LDLRAD4: variants seen among roughly 807,000 people sequenced by gnomAD.
LDLRAD4 encodes the protein low-density lipoprotein receptor class A domain-containing protein 4.
In LDLRAD4, 5 loss-of-function variants were observed where a neutral mutation model predicts 17.0. The ratio of observed to expected loss-of-function variants is 0.29; its 90% CI spans 0.15 to 0.62. The LOEUF (loss-of-function observed/expected upper bound fraction) is 0.62, where lower values mean the gene tolerates loss of function less well. Among genes scored for constraint, LDLRAD4 ranks in the 20% least tolerant of loss-of-function variants. LDLRAD4 has a pLI of 0.84. For synonymous variants in LDLRAD4, 168 were observed against 171.8 expected (o/e 0.98, Z 0.17); for missense variants, 340 against 424.7 (o/e 0.80, Z 1.75).
At chr18:13,399,204 A>G (rs554434722) in intron 2 of LDLRAD4, among the ~76,000 whole-genome samples, 3 of 152,186 alleles carry the variant, frequency 2.0e-5, no homozygotes, top group African/African-American at 7.2e-5. Flanking sequence ...CTCAAAAAAA[A>G]GAGAAAAAAA....
chr18:13,469,908 G>A (rs1411411106), intron 3 of LDLRAD4, among the ~76,000 whole-genome samples: 1 of 152,174 alleles, frequency 6.6e-6, no homozygotes, highest in East Asian at 1.9e-4. Context: ...AGGCTGGCCT[G>A]GGCAACATAG....
At chr18:13,282,186 T>G (rs2045323466) in intron 1 of LDLRAD4, among the ~76,000 whole-genome samples, 1 of 152,120 alleles carries the variant, frequency 6.6e-6, no homozygotes, top group Non-Finnish European at 1.5e-5. Context: ...GAGATACAAG[T>G]CAAGTTGACT....
chr18:13,561,145 A>G (rs1386689369), intron 3 of LDLRAD4, among the ~76,000 whole-genome samples: 1 of 50,696 alleles, frequency 2.0e-5, no homozygotes, highest in Non-Finnish European at 5.1e-5. Flanking sequence ...GCAGATATTC[A>G]GGGCCCACAC....
intron 1 of LDLRAD4, among the ~76,000 whole-genome samples, chr18:13,229,180 G>T (rs1170862780): frequency 3.3e-5 from 5 of 152,222 alleles, no homozygotes; most frequent in Non-Finnish European, 7.3e-5. Context: ...TGCATCATCC[G>T]TGGTGTCCTT....
rs2094471877 is a variant in LDLRAD4, at chr18:13,555,163, T to C, written c.182-65954T>C. Reference sequence around the variant, plus strand: ...CCAAGAGGAGCCTAAGGAGACACAGTGACTAAAGGTGATGAGACATCCTGG... The same window carrying C: ...CCAAGAGGAGCCTAAGGAGACACAGCGACTAAAGGTGATGAGACATCCTGG... On this transcript the variant is annotated intron_variant, in intron 3 of 5. Coordinates refer to ENST00000359446, the Ensembl canonical transcript of LDLRAD4. Among the ~76,000 whole-genome samples, 9 of 152,250 alleles carry C rather than the reference T, an allele frequency of 5.9e-5. No individual in the cohort carries two copies. In the South Asian group the frequency reaches 1.9e-3, roughly 32 times the overall value.
At chr18:13,432,112 G>A (rs1418447650) in intron 2 of LDLRAD4, among the ~76,000 whole-genome samples, 4 of 152,196 alleles carry the variant, frequency 2.6e-5, no homozygotes, top group African/African-American at 7.2e-5. Flanking sequence ...TACTCAACAT[G>A]TGCACCTTGC....
intron 1 of LDLRAD4, among the ~76,000 whole-genome samples, chr18:13,294,131 A>G (rs760919222): frequency 6.6e-6 from 1 of 152,254 alleles, no homozygotes; most frequent in Non-Finnish European, 1.5e-5. Context: ...TAACTCCCAC[A>G]TGCTTAGCGT....
chr18:13,337,275 C>T (rs180848120), intron 1 of LDLRAD4, among the ~76,000 whole-genome samples: 23 of 152,312 alleles, frequency 1.5e-4, no homozygotes, highest in African/African-American at 5.5e-4. Flanking sequence ...GTGTGTTCTT[C>T]ACCTTCAAGC....
chr18:13,361,486 C>T (rs917444125), intron 1 of LDLRAD4, among the ~76,000 whole-genome samples: 4 of 152,206 alleles, frequency 2.6e-5, no homozygotes, highest in African/African-American at 7.2e-5. Flanking sequence ...GTTCCAGGCC[C>T]TCAGTACAGT....
At chr18:13,540,534 G>A (rs1037806822) in intron 3 of LDLRAD4, among the ~76,000 whole-genome samples, 5 of 152,168 alleles carry the variant, frequency 3.3e-5, no homozygotes, top group African/African-American at 7.2e-5. Flanking sequence ...TGGAGAGCTG[G>A]AGATGTGTTT....
chr18:13,335,721 G>C (rs1470816718), intron 1 of LDLRAD4, among the ~76,000 whole-genome samples: 2 of 152,060 alleles, frequency 1.3e-5, no homozygotes, highest in Non-Finnish European at 2.9e-5. Context: ...TGCCTGGCTG[G>C]GTATAAATTC....
intron 3 of LDLRAD4, among the ~76,000 whole-genome samples, chr18:13,469,108 A>G (rs953496756): frequency 6.6e-6 from 1 of 151,228 alleles, no homozygotes; most frequent in Non-Finnish European, 1.5e-5. Context: ...AAGATATGCA[A>G]TGACCAATAA....
intron 1 of LDLRAD4, among the ~76,000 whole-genome samples, chr18:13,283,012 C>T (rs1048479581): frequency 3.9e-5 from 6 of 152,232 alleles, no homozygotes; most frequent in African/African-American, 1.4e-4. Flanking sequence ...ACAGCCTGAA[C>T]TGTATGTTGG....
intron 3 of LDLRAD4, among the ~76,000 whole-genome samples, chr18:13,459,610 T>C (rs1487015880): frequency 1.3e-5 from 2 of 152,118 alleles, no homozygotes; most frequent in Non-Finnish European, 2.9e-5. Flanking sequence ...CTCAAACTCC[T>C]GGCCTCAGGT....
At chr18:13,534,382 TG>T (rs2094172220) in intron 3 of LDLRAD4, among the ~76,000 whole-genome samples, 1 of 152,208 alleles carries the variant, frequency 6.6e-6, no homozygotes, top group African/African-American at 2.4e-5. Flanking sequence ...AATCACCCTG[TG>T]TTTCCCCCAT....
chr18:13,370,719 T>TTTTTTTGTTTG (rs757324689), intron 1 of LDLRAD4, among the ~76,000 whole-genome samples: 1 of 144,856 alleles, frequency 6.9e-6, no homozygotes, highest in African/African-American at 2.6e-5. Context: ...TTTTGTTTTT[T>TTTTTTTGTTTG]TTTTTTTTTG....
intron 2 of LDLRAD4, among the ~76,000 whole-genome samples, chr18:13,394,645 CT>C (rs767712997): frequency 1.1e-4 from 16 of 152,206 alleles, no homozygotes; most frequent in Non-Finnish European, 1.6e-4. Flanking sequence ...GTGATGGTGA[CT>C]GCTCATTGCT....
At chr18:13,349,412 TACAG>T (rs1296689255) in intron 1 of LDLRAD4, among the ~76,000 whole-genome samples, 10 of 152,200 alleles carry the variant, frequency 6.6e-5, no homozygotes, top group Non-Finnish European at 1.2e-4. Context: ...AAAGTGGAGT[TACAG>T]ACCAAAATTA....
intron 1 of LDLRAD4, among the ~76,000 whole-genome samples, chr18:13,253,769 G>A (rs13381459): frequency 6.6e-6 from 1 of 152,130 alleles, no homozygotes; most frequent in African/African-American, 2.4e-5. Flanking sequence ...TCTGGGTATC[G>A]GAGCATCTCT....
Sources: allele counts gnomAD v4.1 joint callset (sites outside exome capture counted in the v4.1 genomes callset), GRCh38; gene constraint gnomAD v4.1.1; transcripts MANE v1.5; gene names NCBI Gene and HGNC (gene_info 2026-07-23, HGNC 2026-07-21).